Variants in POLR1D observed in about 807,000 individuals in gnomAD.
POLR1D encodes DNA-directed RNA polymerases I and III subunit RPAC2.
In POLR1D, 8 loss-of-function variants were observed where a neutral mutation model predicts 10.8. That is an observed-to-expected ratio of 0.74 (90% CI 0.43 to 1.33). The LOEUF (loss-of-function observed/expected upper bound fraction) is 1.33, where lower values mean the gene tolerates loss of function less well. Among genes scored for constraint, POLR1D ranks in the 40% most tolerant of loss-of-function variants. The pLI is 0.01. For synonymous variants in POLR1D, 54 were observed against 57.2 expected, an observed-to-expected ratio of 0.94 and a Z score of 0.25; for missense variants, 152 against 161.7, an observed-to-expected ratio of 0.94 and a Z score of 0.32.
At chr13:27,665,272 G>GAAA (rs1293939367) in intron 2 of POLR1D, 1 of 189,572 alleles carries the variant, frequency 5.3e-6, no homozygotes, top group South Asian at 1.1e-4. Context: ...AGTTTCCTTG[G>GAAA]AAAGGAACAG....
At chr13:27,635,725 T>TAC (rs1566145500) in intron 1 of POLR1D, among the ~76,000 whole-genome samples, 3 of 133,612 alleles carry the variant, frequency 2.2e-5, no homozygotes. Flanking sequence ...TATATATATA[T>TAC]ACATACACAC....
intron 1 of POLR1D, among the ~76,000 whole-genome samples, chr13:27,645,521 A>T (rs143810306): frequency 6.6e-6 from 1 of 152,296 alleles, no homozygotes; most frequent in African/African-American, 2.4e-5. Flanking sequence ...TAACTATGTT[A>T]TCATGGTTAT....
At chr13:27,646,875 A>G (rs988316538) in intron 1 of POLR1D, among the ~76,000 whole-genome samples, 4 of 152,162 alleles carry the variant, frequency 2.6e-5, no homozygotes, top group Admixed American at 2.0e-4. Flanking sequence ...AACTATGTGC[A>G]TGCTTTACTT....
intron 1 of POLR1D, among the ~76,000 whole-genome samples, chr13:27,645,651 G>A (rs1372662257): frequency 1.1e-4 from 16 of 152,118 alleles, no homozygotes; most frequent in Admixed American, 9.8e-4. Context: ...GCACCACTTT[G>A]GCTGTGAACA....
intron 1 of POLR1D, 49 bp downstream of exon 1, chr13:27,622,058 C>G (rs750987447): frequency 2.6e-6 from 4 of 1,536,668 alleles, no homozygotes; most frequent in East Asian, 4.7e-5. Flanking sequence ...CCAAGGGGAG[C>G]GGGTGGCCGA....
chr13:27,661,616 C>T (rs1434445945), intron 2 of POLR1D, among the ~76,000 whole-genome samples: 4 of 152,248 alleles, frequency 2.6e-5, no homozygotes, highest in South Asian at 2.1e-4. Context: ...AAAGCTGATA[C>T]GAGAAAAGCC....
chr13:27,642,169 A>G (rs1956180498), intron 1 of POLR1D, among the ~76,000 whole-genome samples: 4 of 152,220 alleles, frequency 2.6e-5, no homozygotes, highest in African/African-American at 4.8e-5. Flanking sequence ...AACAAAGGCC[A>G]TTTATCTCTG....
At chr13:27,638,553 T>A (rs1956147277) in intron 1 of POLR1D, among the ~76,000 whole-genome samples, 1 of 152,214 alleles carries the variant, frequency 6.6e-6, no homozygotes, top group Non-Finnish European at 1.5e-5. Flanking sequence ...ATTCTTTGGC[T>A]TTTAGCTTTG....
At chr13:27,629,851 G>C (rs1470036373) in intron 1 of POLR1D, among the ~76,000 whole-genome samples, 1 of 152,182 alleles carries the variant, frequency 6.6e-6, no homozygotes, top group Non-Finnish European at 1.5e-5. Flanking sequence ...TTGGTAGGTA[G>C]CCAGGGCTCA....
rs754119950 is a variant in POLR1D at position 27,622,018 on chromosome 13, CGAG to C, written c.26+17_26+19del. The C allele has an allele frequency of 3.8e-6, 6 of 1,584,850 alleles. No homozygotes were observed. The African/African-American group carries it at 5.4e-5, about 14-fold the overall frequency. ...GATCAGGAGCTGGAGAGGTAACGGC[CGAG>C]GAGGAGGCGGGCGGAGCGGGCCGCG... On this transcript the variant is annotated intron_variant, in intron 1 of 1. Coordinates refer to ENST00000302979, the MANE Select transcript of POLR1D (RefSeq NM_015972.4).
At chr13:27,636,530 G>T (rs911944072) in intron 1 of POLR1D, among the ~76,000 whole-genome samples, 2 of 152,034 alleles carry the variant, frequency 1.3e-5, no homozygotes, top group African/African-American at 4.8e-5. Flanking sequence ...TGGGCGTTCA[G>T]GAATTAATAT....
At chr13:27,644,753 T>C (rs988156375) in intron 1 of POLR1D, among the ~76,000 whole-genome samples, 37 of 150,488 alleles carry the variant, frequency 2.5e-4, no homozygotes, top group African/African-American at 8.9e-4. Flanking sequence ...TGTATATACT[T>C]AGTTCTTATA....
chr13:27,640,143 TC>T (rs1303164066), intron 1 of POLR1D, among the ~76,000 whole-genome samples: 1 of 152,200 alleles, frequency 6.6e-6, no homozygotes, highest in African/African-American at 2.4e-5. Flanking sequence ...TTATAATTTT[TC>T]ATCATGTCCC....
At chr13:27,666,191 T>TTATGCAGTG in exon 3 of POLR1D, 1 of 472,818 alleles carries the variant, frequency 2.1e-6, no homozygotes. Flanking sequence ...TGTAGTAGAC[T>TTATGCAGTG]TACATATTGT....
intron 1 of POLR1D, chr13:27,622,272 T>G (rs1955947070): frequency 1.7e-6 from 1 of 573,772 alleles, no homozygotes; most frequent in African/African-American, 1.9e-5. Flanking sequence ...TGTGTAAAAA[T>G]CACGCCCCGG....
At chr13:27,640,224 G>A (rs1956161830) in intron 1 of POLR1D, among the ~76,000 whole-genome samples, 1 of 152,116 alleles carries the variant, frequency 6.6e-6, no homozygotes, top group Admixed American at 6.6e-5. Context: ...GATGAGGAGA[G>A]CAGCCCTATA....
intron 1 of POLR1D, among the ~76,000 whole-genome samples, chr13:27,642,261 T>G (rs925343918): frequency 6.6e-6 from 1 of 152,148 alleles, no homozygotes; most frequent in Non-Finnish European, 1.5e-5. Flanking sequence ...TAGATCAAAG[T>G]CCTCAATCCT....
intron 1 of POLR1D, 160 bp from the exon 2 acceptor site, chr13:27,622,715 T>G (rs1955959764): frequency 1.6e-6 from 1 of 611,036 alleles, no homozygotes; most frequent in Admixed American, 3.0e-5. Flanking sequence ...AAATATTTAT[T>G]GATAGAGTTT....
At chr13:27,624,134 A>G (rs1955982623), downstream of POLR1D, among the ~76,000 whole-genome samples, 1 of 152,112 alleles carries the variant, frequency 6.6e-6, no homozygotes, top group African/African-American at 2.4e-5. Context: ...TTGTTTATCT[A>G]TCCCCTCTTC....
Sources: gnomAD v4.1 joint callset for allele counts (sites outside exome capture counted in the v4.1 genomes callset) on GRCh38, gnomAD v4.1.1 for gene constraint, MANE v1.5 for transcripts, NCBI Gene and HGNC (gene_info 2026-07-23, HGNC 2026-07-21) for gene names.